CNTN5: variants seen among roughly 807,000 people sequenced by gnomAD.
CNTN5 encodes contactin 5, also known as contactin-5.
A neutral mutation model predicts 129.1 loss-of-function variants in CNTN5; 77 were observed. The observed-to-expected ratio is 0.60, with a 90% CI of 0.50 to 0.72. The LOEUF (loss-of-function observed/expected upper bound fraction) is 0.72. Ranked by LOEUF, CNTN5 falls within the 30% of genes least tolerant of loss-of-function variation. The pLI is 0.00. For synonymous variants in CNTN5, 509 were observed against 465.6 expected (o/e 1.09, Z -1.20); for missense variants, 1,478 against 1,328.8 (o/e 1.11, Z -1.75).
chr11:99,357,401 T>C (rs912983086), intron 2 of CNTN5, among the ~76,000 whole-genome samples: 1 of 152,142 alleles, frequency 6.6e-6, no homozygotes, highest in African/African-American at 2.4e-5. Flanking sequence ...AACAATATTA[T>C]ATACTTGAAA....
At chr11:99,031,731 T>C (rs954786397) in intron 1 of CNTN5, among the ~76,000 whole-genome samples, 1 of 152,018 alleles carries the variant, frequency 6.6e-6, no homozygotes, top group Non-Finnish European at 1.5e-5. Flanking sequence ...ATAATAGTTC[T>C]TAAGATCTAA....
intron 2 of CNTN5, among the ~76,000 whole-genome samples, chr11:99,394,531 T>C (rs938635803): frequency 6.6e-6 from 1 of 151,464 alleles, no homozygotes; most frequent in Non-Finnish European, 1.5e-5. Flanking sequence ...TAAAATTATG[T>C]TTTATTGCCC....
In CNTN5 at chr11:99,391,654, G is replaced by A. The variant is rs1941266065; in HGVS notation, c.-71+66170G>A. The stretch of plus-strand genomic sequence containing the variant: ...CAATTCATAATATAGAAAGGTGAAG[G>A]TAGGGCATTAAGCCTCAGTTTTATG... On this transcript the variant is annotated intron_variant, in intron 2 of 24. Coordinates refer to ENST00000524871, the MANE Select transcript of CNTN5 (RefSeq NM_014361.4). 3.3e-5 allele frequency among the ~76,000 whole-genome samples: 5 copies of A among 152,012 alleles called. No homozygotes were observed. The South Asian group carries it at 1.0e-3, about 31-fold the overall frequency.
intron 3 of CNTN5, among the ~76,000 whole-genome samples, chr11:99,808,839 C>T (rs1946348244): frequency 6.6e-6 from 1 of 152,130 alleles, no homozygotes. Flanking sequence ...TCCTATTATG[C>T]ACCTATTCCT....
intron 2 of CNTN5, among the ~76,000 whole-genome samples, chr11:99,535,184 A>G (rs1285221696): frequency 6.6e-6 from 1 of 152,196 alleles, no homozygotes; most frequent in Non-Finnish European, 1.5e-5. Context: ...AACTGGAGGG[A>G]GACAAGTGGC....
At chr11:99,460,798 T>C (rs1944669292) in intron 2 of CNTN5, among the ~76,000 whole-genome samples, 1 of 152,152 alleles carries the variant, frequency 6.6e-6, no homozygotes, top group African/African-American at 2.4e-5. Context: ...TAAAGTGATA[T>C]AGTCACTTTG....
At chr11:100,062,274 C>T (rs1943516153) in intron 10 of CNTN5, among the ~76,000 whole-genome samples, 1 of 152,082 alleles carries the variant, frequency 6.6e-6, no homozygotes, top group Admixed American at 6.6e-5. Flanking sequence ...TCCAGGAAAC[C>T]ATGACTGTCC....
At chr11:99,534,857 A>G (rs1266122615) in intron 2 of CNTN5, among the ~76,000 whole-genome samples, 4 of 152,144 alleles carry the variant, frequency 2.6e-5, no homozygotes, top group Non-Finnish European at 4.4e-5. Context: ...TAAGTCAACT[A>G]CAATATAAGG....
intron 6 of CNTN5, among the ~76,000 whole-genome samples, chr11:99,911,194 A>G (rs1326732187): frequency 6.6e-6 from 1 of 152,074 alleles, no homozygotes; most frequent in African/African-American, 2.4e-5. Flanking sequence ...TCTCAATTTT[A>G]TAAAAAATTT....
At chr11:99,995,786 A>G (rs1219621813) in intron 8 of CNTN5, among the ~76,000 whole-genome samples, 1 of 152,156 alleles carries the variant, frequency 6.6e-6, no homozygotes, top group African/African-American at 2.4e-5. Context: ...AATTAATTTT[A>G]GGAGAAAATT....
At chr11:99,329,808 C>T (rs1435820562) in intron 2 of CNTN5, among the ~76,000 whole-genome samples, 1 of 151,646 alleles carries the variant, frequency 6.6e-6, no homozygotes. Context: ...TTTTATAAAC[C>T]TCAACTTTCA....
At chr11:99,484,237 T>G (rs1444029441) in intron 2 of CNTN5, among the ~76,000 whole-genome samples, 2 of 151,962 alleles carry the variant, frequency 1.3e-5, no homozygotes, top group Non-Finnish European at 2.9e-5. Context: ...GAATATACAT[T>G]TCTTAAGATA....
intron 1 of CNTN5, among the ~76,000 whole-genome samples, chr11:99,233,880 A>C (rs1311733689): frequency 6.6e-6 from 1 of 152,146 alleles, no homozygotes; most frequent in Admixed American, 6.5e-5. Flanking sequence ...CGGAAGGCGG[A>C]GCTTGCAGTG....
intron 3 of CNTN5, among the ~76,000 whole-genome samples, chr11:99,748,309 G>T (rs1944123583): frequency 1.3e-5 from 2 of 152,110 alleles, no homozygotes; most frequent in South Asian, 4.1e-4. Flanking sequence ...CAAATGTTGG[G>T]TTGAATTCAA....
chr11:100,110,492 T>C (rs1045114758), intron 13 of CNTN5, among the ~76,000 whole-genome samples: 9 of 152,152 alleles, frequency 5.9e-5, no homozygotes, highest in African/African-American at 2.2e-4. Context: ...ACATTTCAGT[T>C]CATGAATGAC....
At chr11:100,266,652 A>T (rs1300933125) in intron 17 of CNTN5, among the ~76,000 whole-genome samples, 110 of 127,202 alleles carry the variant, frequency 8.6e-4, no homozygotes, top group African/African-American at 2.1e-3. Flanking sequence ...TTTTCACTTT[A>T]AAGAGAGGAA....
At chr11:99,053,679 T>C (rs1242062753) in intron 1 of CNTN5, among the ~76,000 whole-genome samples, 1 of 151,918 alleles carries the variant, frequency 6.6e-6, no homozygotes, top group Non-Finnish European at 1.5e-5. Context: ...ATGGTCACAA[T>C]AGAAGTAAAA....
intron 15 of CNTN5, among the ~76,000 whole-genome samples, chr11:100,204,295 C>CTT (rs1565340384): frequency 3.6e-5 from 1 of 27,708 alleles, no homozygotes; most frequent in African/African-American, 9.4e-5. Flanking sequence ...CAAACATTGA[C>CTT]TAATATATAT....
intron 2 of CNTN5, among the ~76,000 whole-genome samples, chr11:99,527,678 A>C (rs1255291071): frequency 1.3e-5 from 2 of 152,226 alleles, no homozygotes; most frequent in African/African-American, 4.8e-5. Flanking sequence ...ACTCTCATAG[A>C]AGCCATGTGA....
Sources: gnomAD v4.1 joint callset for allele counts (sites outside exome capture counted in the v4.1 genomes callset) on GRCh38, gnomAD v4.1.1 for gene constraint, MANE v1.5 for transcripts, NCBI Gene and HGNC (gene_info 2026-07-23, HGNC 2026-07-21) for gene names.